The following RBFOX1 variants were observed in gnomAD, a reference collection of about 807,000 sequenced individuals.
The protein encoded by RBFOX1 is RNA binding protein fox-1 homolog 1.
Under a neutral mutation model 57.7 loss-of-function variants are expected in RBFOX1, and 8 were observed. The ratio of observed to expected loss-of-function variants is 0.14; its 90% CI spans 0.08 to 0.25. The LOEUF (loss-of-function observed/expected upper bound fraction) is 0.25. RBFOX1 is among the 10% of genes least tolerant of loss of function. RBFOX1 has a pLI of 1.00. For missense variants in RBFOX1, 611 were observed against 548.5 expected (o/e 1.11, Z -1.14); for synonymous variants, 326 against 222.4 (o/e 1.47, Z -4.15).
At chr16:6,250,644 T>G (rs1333053804) in intron 1 of RBFOX1, among the ~76,000 whole-genome samples, 1 of 152,096 alleles carries the variant, frequency 6.6e-6, no homozygotes, top group Non-Finnish European at 1.5e-5. Flanking sequence ...GTCATCCCTG[T>G]TTAGATTGGT....
At chr16:7,598,756 T>C (rs2094847067) in intron 9 of RBFOX1, among the ~76,000 whole-genome samples, 1 of 152,222 alleles carries the variant, frequency 6.6e-6, no homozygotes, top group Admixed American at 6.5e-5. Context: ...AATAAATCTA[T>C]ATAGAGTTCC....
At chr16:5,607,971 C>T (rs532510542) in intron 3 of RBFOX1, among the ~76,000 whole-genome samples, 28 of 152,302 alleles carry the variant, frequency 1.8e-4, no homozygotes, top group Middle Eastern at 6.8e-3. Flanking sequence ...GGGCTATGTG[C>T]ACTCGTGCAC....
chr16:5,264,881 A>G (rs1397169398), intron 1 of RBFOX1, among the ~76,000 whole-genome samples: 1 of 151,932 alleles, frequency 6.6e-6, no homozygotes, highest in Non-Finnish European at 1.5e-5. Context: ...AGCACCCCAC[A>G]CCTCCCTGCA....
intron 4 of RBFOX1, among the ~76,000 whole-genome samples, chr16:7,247,064 TG>T (rs1298177740): frequency 1.3e-5 from 2 of 152,152 alleles, no homozygotes; most frequent in African/African-American, 4.8e-5. Context: ...TGTAGTACAA[TG>T]GGGTCCTTGA....
chr16:5,756,729 C>G (rs938723862), intron 3 of RBFOX1, among the ~76,000 whole-genome samples: 5 of 152,152 alleles, frequency 3.3e-5, no homozygotes, highest in African/African-American at 4.8e-5. Flanking sequence ...ATACCTAATT[C>G]TTTGAGCCAA....
chr16:7,569,984 G>T (rs139507501), intron 5 of RBFOX1, among the ~76,000 whole-genome samples: 130 of 152,212 alleles, frequency 8.5e-4, no homozygotes, highest in African/African-American at 3.1e-3. Flanking sequence ...TTTTTTCAAA[G>T]GCTAAATATA....
chr16:6,430,234 G>A (rs1456063962), intron 2 of RBFOX1, among the ~76,000 whole-genome samples: 1 of 152,222 alleles, frequency 6.6e-6, no homozygotes, highest in East Asian at 1.9e-4. Context: ...TGTGCTGGCT[G>A]AGGTTCTCAA....
chr16:5,390,291 CTTTTTTTT>C (rs549557876), intron 1 of RBFOX1, among the ~76,000 whole-genome samples: 4 of 108,482 alleles, frequency 3.7e-5, no homozygotes, highest in African/African-American at 1.3e-4. Context: ...TTTTTTTTTT[CTTTTTTTT>C]TTTTTTTTAA....
At chr16:6,760,483 A>G (rs2076449637) in intron 3 of RBFOX1, among the ~76,000 whole-genome samples, 1 of 152,240 alleles carries the variant, frequency 6.6e-6, no homozygotes. Flanking sequence ...TAAAATACCA[A>G]GGATACCAGC....
intron 4 of RBFOX1, among the ~76,000 whole-genome samples, chr16:7,459,327 C>G (rs1417245054): frequency 6.6e-6 from 1 of 152,180 alleles, no homozygotes; most frequent in Non-Finnish European, 1.5e-5. Flanking sequence ...ATCCTTTTAA[C>G]TCACTTGGCA....
chr16:5,579,996 C>G (rs894474230), intron 2 of RBFOX1, among the ~76,000 whole-genome samples: 1 of 152,230 alleles, frequency 6.6e-6, no homozygotes, highest in East Asian at 1.9e-4. Context: ...GTCTTGAACC[C>G]CTGACCTCAG....
intron 1 of RBFOX1, among the ~76,000 whole-genome samples, chr16:6,229,495 A>C (rs1029915985): frequency 6.6e-6 from 1 of 152,194 alleles, no homozygotes; most frequent in Admixed American, 6.5e-5. Flanking sequence ...TGTGAGCATT[A>C]AGTGACGCAA....
chr16:5,520,294 A>G (rs117336992), intron 2 of RBFOX1, among the ~76,000 whole-genome samples: 1,862 of 152,316 alleles, frequency 0.012, 21 homozygotes, highest in Non-Finnish European at 0.016. Flanking sequence ...TTTCATGTTC[A>G]GGTAGTAGGA....
chr16:6,814,164 A>T (rs2089487581), intron 3 of RBFOX1, among the ~76,000 whole-genome samples: 1 of 151,088 alleles, frequency 6.6e-6, no homozygotes, highest in Admixed American at 6.6e-5. Context: ...CAAACAAGCC[A>T]ATATTCTGAG....
chr16:7,443,116 A>G (rs957035102), intron 4 of RBFOX1, among the ~76,000 whole-genome samples: 2 of 152,094 alleles, frequency 1.3e-5, no homozygotes, highest in Non-Finnish European at 2.9e-5. Context: ...ATAAAATGTG[A>G]TTTTCGATTC....
chr16:5,283,730 C>G (rs898942035), intron 1 of RBFOX1, among the ~76,000 whole-genome samples: 1 of 152,150 alleles, frequency 6.6e-6, no homozygotes, highest in Non-Finnish European at 1.5e-5. Context: ...GTGCCTATAC[C>G]CCCATTGTAT....
intron 4 of RBFOX1, among the ~76,000 whole-genome samples, chr16:7,199,447 G>C (rs2087703912): frequency 6.6e-6 from 1 of 152,138 alleles, no homozygotes; most frequent in Admixed American, 6.5e-5. Context: ...GGAAATGAAT[G>C]ACTGAGTGTT....
chr16:7,576,399 T>G (rs1602282749), intron 5 of RBFOX1, among the ~76,000 whole-genome samples: 2 of 152,222 alleles, frequency 1.3e-5, no homozygotes, highest in East Asian at 3.9e-4. Context: ...TTCCTTTTTC[T>G]GTTGTTTTAT....
chr16:6,361,964 T>G (rs1160358118), intron 2 of RBFOX1, among the ~76,000 whole-genome samples: 1 of 152,098 alleles, frequency 6.6e-6, no homozygotes, highest in East Asian at 1.9e-4. Context: ...ATATACACTG[T>G]TCTATGATTT....
Sources: gnomAD v4.1 joint callset for allele counts (sites outside exome capture counted in the v4.1 genomes callset) on GRCh38, gnomAD v4.1.1 for gene constraint, MANE v1.5 for transcripts, NCBI Gene and HGNC (gene_info 2026-07-23, HGNC 2026-07-21) for gene names.